SPRED2: variants seen among roughly 807,000 people sequenced by gnomAD.
SPRED2 encodes sprouty related EVH1 domain containing 2, also known as sprouty-related, EVH1 domain-containing protein 2.
SPRED2 carries 47 observed loss-of-function variants against 43.0 expected under a neutral mutation model. The ratio of observed to expected loss-of-function variants is 1.09; its 90% confidence interval spans 0.87 to 1.40. The LOEUF is 1.40. Ranked by LOEUF, SPRED2 falls within the 40% of genes most tolerant of loss-of-function variation. The probability of loss-of-function intolerance (pLI) is 0.00; values close to 1 mark genes in which losing one functional copy is unlikely to be tolerated. For synonymous variants in SPRED2, 225 were observed against 225.7 expected (o/e 1.00, Z 0.03); for missense variants, 561 against 586.4 (o/e 0.96, Z 0.45).
At chr2:65,423,772 C>CTTTTTT (rs11306222) in intron 1 of SPRED2, among the ~76,000 whole-genome samples, 4 of 143,742 alleles carry the variant, frequency 2.8e-5, no homozygotes, top group African/African-American at 2.6e-5. Context: ...CTCATTTATG[C>CTTTTTT]TTTTTTTTTT....
At chr2:65,426,704 C>G (rs746565452) in intron 1 of SPRED2, among the ~76,000 whole-genome samples, 1 of 152,098 alleles carries the variant, frequency 6.6e-6, no homozygotes, top group African/African-American at 2.4e-5. Context: ...GGGGCATGAG[C>G]AGAATGTCAC....
intron 1 of SPRED2, among the ~76,000 whole-genome samples, chr2:65,404,654 G>A (rs1215328508): frequency 6.6e-6 from 1 of 152,196 alleles, no homozygotes; most frequent in East Asian, 1.9e-4. Context: ...GCAGAGAGAG[G>A]GGACCTGGGG....
intron 1 of SPRED2, among the ~76,000 whole-genome samples, chr2:65,349,173 G>A (rs755993364): frequency 1.4e-4 from 21 of 151,978 alleles, no homozygotes; most frequent in Non-Finnish European, 2.1e-4. Context: ...TGGGCGTGGC[G>A]GTGCTTTCGC....
At chr2:65,344,272 GT>G (rs1378194945) in intron 2 of SPRED2, 3 of 193,860 alleles carry the variant, frequency 1.5e-5, no homozygotes, top group African/African-American at 7.2e-5. Context: ...TTATTTATAA[GT>G]AGCCTAATGT....
rs749770464 is a variant in SPRED2, at chr2:65,313,996, G to A, written c.762C>T (p.Phe254=). The change falls in exon 6 of 6, where the codon TTC becomes TTT. Residue 254 remains phenylalanine, a synonymous_variant. Transcript: ENST00000356388. ...SEDADSSYVR[F]AKGEVPKHDY... is the part of the protein sequence containing the mutation. ...CATGCTTGGGGACCTCGCCCTTGGC[G>A]AAGCGCACGTAGGAGGAGTCCGCGT... 1.3e-5 allele frequency: 21 copies of A among 1,613,718 alleles called. No homozygotes were observed. In the South Asian group the frequency reaches 2.2e-4, roughly 17 times the overall value.
At chr2:65,332,188 G>A (rs1301916156) in intron 3 of SPRED2, 137 bp from the exon 4 acceptor site, 7 of 530,276 alleles carry the variant, frequency 1.3e-5, no homozygotes, top group Admixed American at 3.6e-5. Flanking sequence ...AGTTACCTGG[G>A]AATTGAGTGC....
At position 65,418,521 on chromosome 2, in the gene SPRED2, T is replaced by TAAACTCTCCCCTGGCTGGTGCAGAAAG. The variant is rs1558691625; in HGVS notation, c.26+13440_26+13441insCTTTCTGCACCAGCCAGGGGAGAGTTT. On this transcript the variant is annotated intron_variant, in intron 1 of 5. Coordinates refer to ENST00000356388, the MANE Select transcript of SPRED2 (RefSeq NM_181784.3). ...AACTCTCCCCTGGCTGGTGCAGTGA[T>TAAACTCTCCCCTGGCTGGTGCAGAAAG]AAATATTTCTTTCTTTCTTTCCTTT... Among the ~76,000 whole-genome samples the TAAACTCTCCCCTGGCTGGTGCAGAAAG allele has an allele frequency of 5.9e-5, 9 of 152,216 alleles. No homozygotes were observed. In the South Asian group the frequency reaches 6.2e-4, roughly 11 times the overall value.
At chr2:65,383,735 G>A (rs962976124) in intron 1 of SPRED2, among the ~76,000 whole-genome samples, 4 of 152,200 alleles carry the variant, frequency 2.6e-5, no homozygotes, top group African/African-American at 7.2e-5. Context: ...TTAGGGCTGG[G>A]TAGATAAACA....
At chr2:65,350,497 C>A (rs1000829709) in intron 1 of SPRED2, among the ~76,000 whole-genome samples, 5 of 152,124 alleles carry the variant, frequency 3.3e-5, no homozygotes, top group Admixed American at 3.3e-4. Flanking sequence ...ACGACCAGCC[C>A]TCAATACCAT....
At chr2:65,360,100 C>CAAAAAAAAAAAAAAAAAAAAA (rs57801875) in intron 1 of SPRED2, among the ~76,000 whole-genome samples, 5 of 103,212 alleles carry the variant, frequency 4.8e-5, no homozygotes, top group South Asian at 3.7e-4. Flanking sequence ...AAAAAAAAAA[C>CAAAAAAAAAAAAAAAAAAAAA]AAAAAAAAAA....
At chr2:65,348,191 T>G (rs1016142131) in intron 1 of SPRED2, among the ~76,000 whole-genome samples, 6 of 152,058 alleles carry the variant, frequency 3.9e-5, no homozygotes, top group Admixed American at 1.3e-4. Flanking sequence ...ACCAACTGAG[T>G]TCATTCTCTT....
chr2:65,317,858 G>C (rs76855432), intron 4 of SPRED2, among the ~76,000 whole-genome samples: 9 of 152,134 alleles, frequency 5.9e-5, no homozygotes, highest in Admixed American at 5.9e-4. Context: ...CTCTGTGAAG[G>C]GGGAGTACAG....
intron 1 of SPRED2, among the ~76,000 whole-genome samples, chr2:65,360,446 C>A (rs1313453800): frequency 6.6e-5 from 10 of 152,364 alleles, no homozygotes; most frequent in Non-Finnish European, 1.5e-4. Context: ...GCGAATTAAC[C>A]TTAACACCTG....
In SPRED2 at chr2:65,334,770, C is replaced by G; in HGVS notation, c.208G>C (p.Val70Leu). 1 of 1,614,140 alleles carries G rather than the reference C, an allele frequency of 6.2e-7. No homozygotes were observed. Among genetic ancestry groups the G allele is most frequent in the Non-Finnish European group, 8.5e-7 (1 of 1,180,006 alleles). The part of the protein sequence containing the change: ...HGERQKDKLV[V>L]LECYVRKDLV... ...TCCTTTCTTACATAGCATTCCAATACCACCTGAAGGATGGAAACACACAGG... is the reference window on the plus strand; with the variant it reads ...TCCTTTCTTACATAGCATTCCAATAGCACCTGAAGGATGGAAACACACAGG... Residue 70 changes from valine to leucine, a missense_variant, in exon 3 of 6, where the codon GTA (valine) becomes CTA (leucine). Val to Leu is a conservative substitution (Grantham distance 32). This residue lies in a region of SPRED2 where 305 missense variants were observed against 282.4 expected (regional missense o/e 1.08). Transcript: ENST00000356388.
At chr2:65,388,135 G>A (rs532708350) in intron 1 of SPRED2, among the ~76,000 whole-genome samples, 4 of 152,208 alleles carry the variant, frequency 2.6e-5, no homozygotes, top group Non-Finnish European at 4.4e-5. Context: ...TGCAGCTCGC[G>A]TCTTCAGCTT....
At chr2:65,427,882 T>A (rs1390101559) in intron 1 of SPRED2, among the ~76,000 whole-genome samples, 1 of 152,192 alleles carries the variant, frequency 6.6e-6, no homozygotes. Context: ...AGTGCTCCAT[T>A]CCCAGCTCCT....
intron 1 of SPRED2, among the ~76,000 whole-genome samples, chr2:65,402,052 T>C (rs1481755828): frequency 6.6e-6 from 1 of 151,310 alleles, no homozygotes; most frequent in Non-Finnish European, 1.5e-5. Context: ...TACAGGCTTG[T>C]CTGTGCAGGG....
intron 1 of SPRED2, among the ~76,000 whole-genome samples, chr2:65,402,863 T>C (rs759481349): frequency 2.0e-5 from 3 of 152,232 alleles, no homozygotes; most frequent in Admixed American, 1.3e-4. Context: ...GGTTTTAATG[T>C]TGCAAGACTA....
intron 1 of SPRED2, among the ~76,000 whole-genome samples, chr2:65,404,933 C>T (rs1675989105): frequency 6.6e-6 from 1 of 152,208 alleles, no homozygotes; most frequent in South Asian, 2.1e-4. Flanking sequence ...GGCACCTGCT[C>T]CCTAACAGGC....
Sources: gnomAD v4.1 joint callset for allele counts (sites outside exome capture counted in the v4.1 genomes callset) on GRCh38, gnomAD v4.1.1 for gene constraint, gnomAD v4.1.1 regional missense constraint, MANE v1.5 for transcripts, NCBI Gene and HGNC (gene_info 2026-07-23, HGNC 2026-07-21) for gene names.